VAMP2: variants seen among roughly 807,000 people sequenced by gnomAD.
VAMP2 encodes vesicle associated membrane protein 2.
For missense variants in VAMP2, 95 were observed against 151.3 expected (o/e 0.63, Z 1.95); for synonymous variants, 67 against 57.3 (o/e 1.17, Z -0.76).
chr17:8,161,120 A>G, intron 4 of VAMP2: 1 of 553,138 alleles, frequency 1.8e-6, no homozygotes, highest in Non-Finnish European at 3.2e-6. Context: ...TGAGACCGCA[A>G]GCTCTCAAAT....
chr17:8,162,120 G>C (rs1039474931), intron 2 of VAMP2, 129 bp downstream of exon 2: 1 of 1,397,748 alleles, frequency 7.2e-7, no homozygotes, highest in Non-Finnish European at 9.5e-7. Flanking sequence ...GACAGGGATG[G>C]GGCATGGTAT....
At chr17:8,161,221 TTA>T in intron 4 of VAMP2, 1 of 601,124 alleles carries the variant, frequency 1.7e-6, no homozygotes, top group East Asian at 2.9e-5. Flanking sequence ...GACTGGGCTC[TTA>T]GGCCTAAAGG....
Position 8,160,333 on chromosome 17 carries a change from A to G in VAMP2, c.*522T>C, listed in dbSNP as rs1288786857. ...GTGGGGCCAGTCTCAGAGCCTCCCA[A>G]TGGATACAAAGAAGATGTACCTAAG... On this transcript the variant is annotated 3_prime_UTR_variant, in exon 5 of 5. Transcript: ENST00000316509. 6.7e-6 allele frequency: 1 copy of G among 149,472 alleles called. No homozygotes were observed. Among genetic ancestry groups the G allele is most frequent in the African/African-American group, 2.5e-5 (1 of 40,344 alleles). The allele number at this position is 149,472 out of a possible 1,614,324, so 9.3% of individuals were successfully genotyped here. A position where few individuals can be genotyped will look rare whatever the true frequency, so the allele number is the denominator to read the frequency against.
intron 4 of VAMP2, 71 bp downstream of exon 4, chr17:8,161,401 AC>A (rs1375031612): frequency 1.3e-6 from 2 of 1,576,910 alleles, no homozygotes; most frequent in African/African-American, 2.7e-5. Flanking sequence ...TAGATTAATG[AC>A]CTTCAAAACC....
Position 8,160,757 on chromosome 17 carries a change from C to CG in VAMP2, c.*97_*98insC, listed in dbSNP as rs1983285402. ...ACACGGACACACACACACACGGATC[C>CG]AGGGGAGTGGGGGCTGAAAGATATG... On this transcript the variant is annotated 3_prime_UTR_variant, in exon 5 of 5. Coordinates refer to ENST00000316509, the MANE Select transcript of VAMP2 (RefSeq NM_014232.3). 7.6e-7 allele frequency: 1 copy of CG among 1,320,974 alleles called. No homozygotes were observed. The highest frequency in any genetic ancestry group is 1.1e-6 in the Non-Finnish European group (1 of 952,012). 81.8% of individuals were successfully genotyped at this position (1,320,974 alleles called of 1,614,324 possible).
intron 1 of VAMP2, 125 bp downstream of exon 1, chr17:8,162,753 C>A (rs982945713): frequency 1.6e-6 from 2 of 1,264,468 alleles, no homozygotes; most frequent in Non-Finnish European, 2.0e-6. Flanking sequence ...GCGCAGTCAC[C>A]GGCTTGGGCC....
rs1463406005 is a variant in VAMP2 at position 8,162,331 on chromosome 17, G to C, written c.41C>G (p.Ala14Gly). 1 of 1,605,978 alleles carries C rather than the reference G, an allele frequency of 6.2e-7. No individual in the cohort carries two copies. The change falls in exon 2 of 5, where the codon GCT becomes GGT. Residue 14 changes from alanine to glycine, a missense_variant. Physicochemically the swap from Ala to Gly is moderately conservative, Grantham distance 60. Coordinates refer to ENST00000316509, the MANE Select transcript of VAMP2 (RefSeq NM_014232.3). ...GGGTGCAGGGGGACCACCCTCCCCA[G>C]CCGGGGCAGCAGGGGGGGCCGTGGC... is the stretch of plus-strand genomic sequence containing the variant. ...TAATAPPAAP[A>G]GEGGPPAPPP...
Position 8,160,868 on chromosome 17 carries a change from T to A in VAMP2, c.338A>T (p.Tyr113Phe). 6.2e-7 allele frequency: 1 copy of A among 1,609,096 alleles called. No homozygotes were observed. The highest frequency in any genetic ancestry group is 1.7e-5 in the Admixed American group (1 of 59,708). ...CTCCTCGGGGATTTAAGTGCTGAAG[T>A]AAACTGTGGAGAGAGGGGAAGAAGA... ...CAIILIIIIV[Y>F]FST is the part of the protein sequence containing the mutation. Residue 113 changes from tyrosine (Y) to phenylalanine (F), a missense_variant, in exon 5 of 5, where the codon TAC becomes TTC. Transcript: ENST00000316509.
chr17:8,160,767 G>A lies in VAMP2; in HGVS notation c.*88C>T, dbSNP rs1983286765. ...ACACACACACGGATCCAGGGGAGTG[G>A]GGGCTGAAAGATATGGCTGAGAGGT... On this transcript the variant is annotated 3_prime_UTR_variant, in exon 5 of 5. Transcript: ENST00000316509. 2.7e-6 allele frequency: 4 copies of A among 1,485,314 alleles called. No homozygotes were observed. In the South Asian group the frequency reaches 5.1e-5, roughly 19 times the overall value. The allele number at this position is 1,485,314 out of a possible 1,614,324, so 92.0% of individuals were successfully genotyped here.
At chr17:8,160,951 T>G in intron 4 of VAMP2, 80 bp from the exon 5 acceptor site, 6 of 1,293,334 alleles carry the variant, frequency 4.6e-6, no homozygotes, top group Non-Finnish European at 6.7e-6. Flanking sequence ...GTGTCAGGCC[T>G]GGCCCTGCTC....
chr17:8,161,350 C>G, intron 4 of VAMP2, 123 bp downstream of exon 4: 1 of 1,363,868 alleles, frequency 7.3e-7, no homozygotes, highest in Non-Finnish European at 9.9e-7. Flanking sequence ...ATCAGAATTG[C>G]CATTAGCAGC....
intron 4 of VAMP2, chr17:8,161,243 G>T: frequency 1.5e-6 from 1 of 656,374 alleles, no homozygotes; most frequent in Non-Finnish European, 2.6e-6. Flanking sequence ...GGTCCTCAAT[G>T]GATACACCAG....
At chr17:8,162,761 G>C in intron 1 of VAMP2, 117 bp downstream of exon 1, 1 of 1,249,060 alleles carries the variant, frequency 8.0e-7, no homozygotes, top group Non-Finnish European at 1.0e-6. Flanking sequence ...ACCGGCTTGG[G>C]CCTGGCCCCG....
At chr17:8,161,824 A>G (rs935028795) in intron 2 of VAMP2, 58 bp from the exon 3 acceptor site, 92 of 1,581,016 alleles carry the variant, frequency 5.8e-5, no homozygotes, top group Non-Finnish European at 7.1e-5. Flanking sequence ...AGTGAGGGCA[A>G]TCCTCAAACA....
At position 8,160,394 on chromosome 17, in the gene VAMP2, T is replaced by TTTTTTTTTTTG. The variant is rs1983268494; in HGVS notation, c.*460_*461insCAAAAAAAAAA. The TTTTTTTTTTTG allele has an allele frequency of 1.5e-5, 2 of 129,454 alleles. No homozygotes were observed. The highest frequency in any genetic ancestry group is 3.3e-5 in the Non-Finnish European group (2 of 59,740). 8.0% of individuals were successfully genotyped at this position (129,454 alleles called of 1,614,324 possible). On this transcript the variant is annotated 3_prime_UTR_variant, in exon 5 of 5. Coordinates refer to ENST00000316509, the MANE Select transcript of VAMP2 (RefSeq NM_014232.3). ...CAGGTGCTGTTGTTTTTTTTTTTTTTTTTTTTTTTTTGAGGGCGGGGCAGA... is the reference window on the plus strand; with the variant it reads ...CAGGTGCTGTTGTTTTTTTTTTTTTTTTTTTTTTTTGTTTTTTTTTTTGAGGGCGGGGCAGA...
chr17:8,161,097 T>A, intron 4 of VAMP2: 1 of 561,178 alleles, frequency 1.8e-6, no homozygotes, highest in Non-Finnish European at 3.1e-6. Flanking sequence ...CAGACCCTAA[T>A]CCTCTGAGCC....
In VAMP2 at chr17:8,160,242, A is replaced by G. The variant is rs1482729821; in HGVS notation, c.*613T>C. ...ACAAAAAGAAATGGAAAGGGATAGC[A>G]GTATGTAATGATACGCTAATTAACA... is the stretch of plus-strand genomic sequence containing the variant. On this transcript the variant is annotated 3_prime_UTR_variant, in exon 5 of 5. Coordinates refer to ENST00000316509, the MANE Select transcript of VAMP2 (RefSeq NM_014232.3). 1.3e-5 allele frequency: 2 copies of G among 152,596 alleles called. No homozygotes were observed. The highest frequency in any genetic ancestry group is 2.9e-5 in the Non-Finnish European group (2 of 68,078). The allele number at this position is 152,596 out of a possible 1,614,324, so 9.5% of individuals were successfully genotyped here. A position where few individuals can be genotyped will look rare whatever the true frequency, so the allele number is the denominator to read the frequency against.
chr17:8,162,761 G>A, intron 1 of VAMP2, 117 bp downstream of exon 1: 4 of 1,249,060 alleles, frequency 3.2e-6, no homozygotes, highest in Non-Finnish European at 4.0e-6. Context: ...ACCGGCTTGG[G>A]CCTGGCCCCG....
chr17:8,161,302 G>T, intron 4 of VAMP2, 171 bp downstream of exon 4: 1 of 967,416 alleles, frequency 1.0e-6, no homozygotes, highest in Non-Finnish European at 1.5e-6. Flanking sequence ...TAGGCAAAAT[G>T]CAGGCTAAAT....
Sources: gnomAD v4.1 joint callset for allele counts on GRCh38, gnomAD v4.1.1 for gene constraint, MANE v1.5 for transcripts, NCBI Gene and HGNC (gene_info 2026-07-23, HGNC 2026-07-21) for gene names.